The following WNT2B variants were observed in gnomAD, a reference collection of about 807,000 sequenced individuals.
WNT2B encodes the protein protein Wnt-2b.
Under a neutral mutation model 40.5 loss-of-function variants are expected in WNT2B, and 19 were observed. The ratio of observed to expected loss-of-function variants is 0.47; its 90% CI spans 0.33 to 0.69. The LOEUF is 0.69. Among genes scored for constraint, WNT2B ranks in the 30% least tolerant of loss-of-function variants. The probability of loss-of-function intolerance (pLI) is 0.02; values close to 1 mark genes in which losing one functional copy is unlikely to be tolerated. For synonymous variants in WNT2B, 220 were observed against 211.9 expected, an observed-to-expected ratio of 1.04 and a Z score of -0.33; for missense variants, 467 against 556.4, an observed-to-expected ratio of 0.84 and a Z score of 1.62.
upstream of WNT2B, among the ~76,000 whole-genome samples, chr1:112,507,284 ATCC>A (rs1224621882): frequency 6.6e-6 from 1 of 152,198 alleles, no homozygotes; most frequent in African/African-American, 2.4e-5. Flanking sequence ...TTTATGGTCT[ATCC>A]TCCTGCAATA....
rs1349837238 is a variant in WNT2B at position 112,522,472 on chromosome 1, T to C, written c.*1963T>C. 1.3e-5 allele frequency: 2 copies of C among 152,258 alleles called. No individual in the cohort carries two copies. The highest frequency in any genetic ancestry group is 4.8e-5 in the African/African-American group (2 of 41,466). 9.4% of individuals were successfully genotyped at this position (152,258 alleles called of 1,614,324 possible). A position where few individuals can be genotyped will look rare whatever the true frequency, so the allele number is the denominator to read the frequency against. On this transcript the variant is annotated 3_prime_UTR_variant, in exon 5 of 5. Coordinates refer to ENST00000369684, the MANE Select transcript of WNT2B (RefSeq NM_024494.3). ...TAAAGTATTAACAAAAGTCTGTAGA[T>C]TAAGGAGCCTGCATAAAGAATTCTG...
chr1:112,485,699 T>C (rs1557910507), intron 1 of WNT2B, among the ~76,000 whole-genome samples: 1 of 151,780 alleles, frequency 6.6e-6, no homozygotes, highest in Non-Finnish European at 1.5e-5. Flanking sequence ...CTTTGATCCA[T>C]ACATCACACC....
At position 112,509,541 on chromosome 1, in the gene WNT2B, T is replaced by C. The variant is rs1409276440; in HGVS notation, c.182+97T>C. 11 of 1,357,256 alleles carry C rather than the reference T, an allele frequency of 8.1e-6. No homozygotes were observed. Among genetic ancestry groups the C allele is most frequent in the Non-Finnish European group, 1.1e-5 (11 of 1,034,274 alleles). The allele number at this position is 1,357,256 out of a possible 1,614,324, so 84.1% of individuals were successfully genotyped here. A position where few individuals can be genotyped will look rare whatever the true frequency, so the allele number is the denominator to read the frequency against. ...CTGCTCACGGGACCAGGCTGTTGCT[T>C]CGACGGGTTGGAGACGATTCGGGCA... is the stretch of plus-strand genomic sequence containing the variant. On this transcript the variant is annotated intron_variant, in intron 1 of 4. Transcript: ENST00000369684. The surrounding 1 kb of genome is among the most constrained non-coding windows in gnomAD (Gnocchi z 4.2).
chr1:112,507,677 C>T (rs1652155887), upstream of WNT2B, among the ~76,000 whole-genome samples: 1 of 152,224 alleles, frequency 6.6e-6, no homozygotes, highest in Non-Finnish European at 1.5e-5. Context: ...GCCCCCCACC[C>T]CCAACCAAAG....
exon 1 of WNT2B, chr1:112,466,614 A>G (rs1044502840): frequency 1.3e-5 from 2 of 152,206 alleles, no homozygotes; most frequent in Non-Finnish European, 2.9e-5. Flanking sequence ...AAAACTGGTC[A>G]TTGACATAAG....
Position 112,516,186 on chromosome 1 carries a change from A to G in WNT2B, c.450A>G (p.Val150=). 6.2e-7 allele frequency: 1 copy of G among 1,613,980 alleles called. No homozygotes were observed. Among genetic ancestry groups the G allele is most frequent in the East Asian group, 2.2e-5 (1 of 44,858 alleles). ...TATATGCCATCTCATCAGCAGGGGTAGTCCACGCTATTACTCGCGCCTGTA... is the reference window on the plus strand; with the variant it reads ...TATATGCCATCTCATCAGCAGGGGTGGTCCACGCTATTACTCGCGCCTGTA... ...AFVYAISSAG[V]VHAITRACSQ... The change falls in exon 3 of 5, where the codon GTA becomes GTG. Residue 150 remains valine, a synonymous_variant. Coordinates refer to ENST00000369684, the MANE Select transcript of WNT2B (RefSeq NM_024494.3).
chr1:112,493,600 C>T (rs547948241), intron 1 of WNT2B, among the ~76,000 whole-genome samples: 1 of 151,736 alleles, frequency 6.6e-6, no homozygotes, highest in East Asian at 2.0e-4. Context: ...CCAGTCTGGG[C>T]AACGGAGCAA....
In WNT2B at chr1:112,527,656, C is replaced by T. The variant is rs1381534276; in HGVS notation, c.*7147C>T. 6.5e-6 allele frequency: 1 copy of T among 152,678 alleles called. No individual in the cohort carries two copies. Among genetic ancestry groups the T allele is most frequent in the Non-Finnish European group, 1.5e-5 (1 of 68,062 alleles). The allele number at this position is 152,678 out of a possible 1,614,324, so 9.5% of individuals were successfully genotyped here. On this transcript the variant is annotated 3_prime_UTR_variant, in exon 5 of 5. Coordinates refer to ENST00000369684, the MANE Select transcript of WNT2B (RefSeq NM_024494.3). Reference sequence around the variant, plus strand: ...TAAAGGAAGGAAAAAGCTAACTTGGCTTTCCGTGGAAATTTACCTACTCCC... The same window carrying T: ...TAAAGGAAGGAAAAAGCTAACTTGGTTTTCCGTGGAAATTTACCTACTCCC...
At chr1:112,473,981 C>T (rs1455911554) in intron 1 of WNT2B, among the ~76,000 whole-genome samples, 1 of 146,220 alleles carries the variant, frequency 6.8e-6, no homozygotes, top group African/African-American at 2.5e-5. Context: ...AGGAGAATGG[C>T]ATGAACCCAG....
intron 1 of WNT2B, among the ~76,000 whole-genome samples, chr1:112,477,288 C>T (rs865911582): frequency 1.3e-5 from 2 of 152,214 alleles, no homozygotes; most frequent in African/African-American, 2.4e-5. Context: ...GAGTATGCTG[C>T]TGTACCCACC....
At chr1:112,478,894 G>A (rs1651132233) in intron 1 of WNT2B, among the ~76,000 whole-genome samples, 1 of 152,108 alleles carries the variant, frequency 6.6e-6, no homozygotes, top group Admixed American at 6.6e-5. Flanking sequence ...CAGCACTCTA[G>A]CTTGGGCAAC....
At chr1:112,474,351 C>T (rs1397613153) in intron 1 of WNT2B, among the ~76,000 whole-genome samples, 3 of 151,780 alleles carry the variant, frequency 2.0e-5, no homozygotes, top group Non-Finnish European at 4.4e-5. Context: ...GGTTTCACCG[C>T]GTTAGCCAGG....
chr1:112,507,785 C>A (rs1652160816), upstream of WNT2B, among the ~76,000 whole-genome samples: 1 of 152,166 alleles, frequency 6.6e-6, no homozygotes, highest in African/African-American at 2.4e-5. Flanking sequence ...AAGACACCTG[C>A]GAGGTGGGAG....
At chr1:112,472,849 G>C (rs548410046) in intron 1 of WNT2B, among the ~76,000 whole-genome samples, 2 of 151,932 alleles carry the variant, frequency 1.3e-5, no homozygotes, top group East Asian at 3.9e-4. Flanking sequence ...AGGAGTCCCA[G>C]CTACTCAGGA....
intron 1 of WNT2B, among the ~76,000 whole-genome samples, chr1:112,491,351 G>C (rs956824755): frequency 3.3e-5 from 5 of 152,200 alleles, no homozygotes; most frequent in African/African-American, 1.2e-4. Flanking sequence ...AGGTTGCAGT[G>C]AGCTGAGATT....
At chr1:112,507,759 A>T (rs1652159915), upstream of WNT2B, among the ~76,000 whole-genome samples, 1 of 152,256 alleles carries the variant, frequency 6.6e-6, no homozygotes, top group Non-Finnish European at 1.5e-5. Flanking sequence ...CTTTAAAATC[A>T]TATGAGGAGG....
At chr1:112,487,703 C>T (rs754772546) in intron 1 of WNT2B, among the ~76,000 whole-genome samples, 3 of 151,700 alleles carry the variant, frequency 2.0e-5, no homozygotes, top group Non-Finnish European at 4.4e-5. Flanking sequence ...GAGGCTGAAG[C>T]GGGTGGATTG....
At chr1:112,489,784 T>TG (rs1244084654) in intron 1 of WNT2B, among the ~76,000 whole-genome samples, 2 of 151,020 alleles carry the variant, frequency 1.3e-5, no homozygotes, top group African/African-American at 4.9e-5. Context: ...TTCTGCCTAT[T>TG]TTTTTTTTAC....
chr1:112,508,788 G>T, upstream of WNT2B: 3 of 987,960 alleles, frequency 3.0e-6, no homozygotes. This position sits in a 1 kb window ranked among gnomAD's most constrained non-coding sequence, Gnocchi z 4.2. Context: ...GAGCAGGTGG[G>T]GGTGCAGCGC....
Sources: gnomAD v4.1 joint callset for allele counts (sites outside exome capture counted in the v4.1 genomes callset) on GRCh38, gnomAD v4.1.1 for gene constraint, Gnocchi (gnomAD v3.1) non-coding constraint, MANE v1.5 for transcripts, NCBI Gene and HGNC (gene_info 2026-07-23, HGNC 2026-07-21) for gene names.